Variants in SVOPL observed in about 807,000 individuals in gnomAD.
SVOPL encodes putative transporter SVOPL.
SVOPL carries 60 observed loss-of-function variants against 61.0 expected under a neutral mutation model. The ratio of observed to expected loss-of-function variants is 0.98; its 90% CI spans 0.80 to 1.22. The LOEUF (loss-of-function observed/expected upper bound fraction) is 1.22, where lower values mean the gene tolerates loss of function less well. SVOPL is among the 50% of genes most tolerant of loss of function. The pLI, the probability that SVOPL is intolerant of heterozygous loss-of-function variation, is 0.00. For synonymous variants in SVOPL, 279 were observed against 250.0 expected, an observed-to-expected ratio of 1.12 and a Z score of -1.09; for missense variants, 662 against 643.9, an observed-to-expected ratio of 1.03 and a Z score of -0.30.
At chr7:138,670,816 C>T (rs1226729786) in intron 4 of SVOPL, among the ~76,000 whole-genome samples, 2 of 152,108 alleles carry the variant, frequency 1.3e-5, no homozygotes, top group African/African-American at 2.4e-5. Context: ...TACCCTGCAG[C>T]CTTATCTCCT....
rs796840157 is a variant in SVOPL, at chr7:138,622,118, C to G, written c.1264-983G>C. Among the ~76,000 whole-genome samples, 280 of 80,034 alleles carry G rather than the reference C, an allele frequency of 3.5e-3. 9 individuals are homozygous for G. Among genetic ancestry groups the G allele is most frequent in the Middle Eastern group, 6.3e-3 (1 of 160 alleles). 52.5% of individuals were successfully genotyped at this position (80,034 alleles called of 152,430 possible). A position where few individuals can be genotyped will look rare whatever the true frequency, so the allele number is the denominator to read the frequency against. Reference sequence around the variant, plus strand: ...TCTATCTATCTATCTATCTATCTATCTATGTATCTATCTATCTATGTATCT... The same window carrying G: ...TCTATCTATCTATCTATCTATCTATGTATGTATCTATCTATCTATGTATCT... On this transcript the variant is annotated intron_variant, in intron 13 of 15. Transcript: ENST00000674285.
At chr7:138,658,427 T>C (rs1322545811) in intron 6 of SVOPL, among the ~76,000 whole-genome samples, 2 of 151,826 alleles carry the variant, frequency 1.3e-5, no homozygotes, top group Non-Finnish European at 2.9e-5. Context: ...ATGTTTGGAT[T>C]GACTTCAAAA....
At chr7:138,689,040 A>G (rs1235552317) in intron 1 of SVOPL, 141 of 710,558 alleles carry the variant, frequency 2.0e-4, no homozygotes, top group Non-Finnish European at 7.1e-5. Context: ...AAGACGTTCA[A>G]ATCTTTGTGT....
chr7:138,599,159 C>CAAAAAAAA (rs1336279820), intron 14 of SVOPL, among the ~76,000 whole-genome samples: 1 of 82,724 alleles, frequency 1.2e-5, no homozygotes, highest in African/African-American at 6.5e-5. Context: ...AAAAAAAAAC[C>CAAAAAAAA]AAAAAAAAAA....
chr7:138,665,955 C>G (rs774457241), intron 4 of SVOPL, among the ~76,000 whole-genome samples: 38 of 152,198 alleles, frequency 2.5e-4, no homozygotes, highest in African/African-American at 9.2e-4. Context: ...GACCACTGAT[C>G]GCTTGAGCCC....
chr7:138,600,043 T>C lies in SVOPL; in HGVS notation c.1354-3513A>G, dbSNP rs148108920. On this transcript the variant is annotated intron_variant, in intron 14 of 15. Transcript: ENST00000674285. ...AAACAAACACCTTAAGTGAAAATAA[T>C]TGGTAAACTGACTATATACAAATTT... Among the ~76,000 whole-genome samples, 231 of 152,284 alleles carry C rather than the reference T, an allele frequency of 1.5e-3. 2 individuals carry two copies. Among genetic ancestry groups the C allele is most frequent in the Admixed American group, 3.5e-3 (53 of 15,294 alleles).
At chr7:138,679,355 C>T (rs376919219) in intron 1 of SVOPL, among the ~76,000 whole-genome samples, 14 of 152,118 alleles carry the variant, frequency 9.2e-5, no homozygotes, top group Admixed American at 7.2e-4. Context: ...CTACAACCTC[C>T]GCCTTCTGAG....
At chr7:138,622,325 C>T (rs1799707355) in intron 13 of SVOPL, among the ~76,000 whole-genome samples, 1 of 128,000 alleles carries the variant, frequency 7.8e-6, no homozygotes. Context: ...GACAGAGTCT[C>T]ACTCTTTCGC....
At chr7:138,605,640 C>CAAAAAAAAAAA (rs1159063438) in intron 14 of SVOPL, among the ~76,000 whole-genome samples, 2 of 84,288 alleles carry the variant, frequency 2.4e-5, no homozygotes, top group Non-Finnish European at 2.3e-5. Flanking sequence ...CTAACCTGGG[C>CAAAAAAAAAAA]AAAAAAAAAA....
chr7:138,677,687 T>A (rs1005162650), intron 3 of SVOPL, among the ~76,000 whole-genome samples: 1 of 152,070 alleles, frequency 6.6e-6, no homozygotes, highest in Admixed American at 6.6e-5. Context: ...ATTTGTCATC[T>A]ATTGTCTCTA....
chr7:138,641,570 C>A (rs1800783281), intron 9 of SVOPL, among the ~76,000 whole-genome samples: 1 of 149,242 alleles, frequency 6.7e-6, no homozygotes, highest in Non-Finnish European at 1.5e-5. Flanking sequence ...CCTCAGGAAG[C>A]TGAGACTGGA....
intron 4 of SVOPL, among the ~76,000 whole-genome samples, chr7:138,666,578 A>G (rs982973404): frequency 7.2e-5 from 11 of 152,216 alleles, no homozygotes; most frequent in African/African-American, 2.4e-4. Flanking sequence ...TTTACAACCC[A>G]GACCACTACA....
At chr7:138,679,955 C>T (rs1435671547) in intron 1 of SVOPL, among the ~76,000 whole-genome samples, 2 of 152,094 alleles carry the variant, frequency 1.3e-5, no homozygotes, top group African/African-American at 4.8e-5. Flanking sequence ...ATTAGATAAT[C>T]GAGCTAAATT....
intron 8 of SVOPL, among the ~76,000 whole-genome samples, chr7:138,645,142 A>C (rs758323940): frequency 6.6e-6 from 1 of 152,002 alleles, no homozygotes; most frequent in Non-Finnish European, 1.5e-5. Flanking sequence ...TTCAATTGTT[A>C]AATAGCCACT....
At chr7:138,611,924 G>C (rs1446648474) in intron 14 of SVOPL, among the ~76,000 whole-genome samples, 4 of 19,172 alleles carry the variant, frequency 2.1e-4, no homozygotes, top group African/African-American at 4.9e-4. Flanking sequence ...AACGGGCCAG[G>C]ATGACAATGG....
At position 138,594,626 on chromosome 7, in the gene SVOPL, A is replaced by G; in HGVS notation, c.1468-5T>C. 6.3e-7 allele frequency: 1 copy of G among 1,594,534 alleles called. No individual in the cohort carries two copies. Among genetic ancestry groups the G allele is most frequent in the Non-Finnish European group, 8.5e-7 (1 of 1,170,170 alleles). The stretch of plus-strand genomic sequence containing the variant: ...TGCAGGTCTTCATTTAATTTGCTGG[A>G]AGAAAGTTATTTAATAGATCAGTAA... On this transcript the variant is annotated splice_polypyrimidine_tract_variant and splice_region_variant and intron_variant, in intron 15 of 15. Coordinates refer to ENST00000674285, the MANE Select transcript of SVOPL (RefSeq NM_001139456.2).
intron 9 of SVOPL, among the ~76,000 whole-genome samples, chr7:138,643,515 A>C (rs1800940925): frequency 6.6e-6 from 1 of 152,146 alleles, no homozygotes; most frequent in Non-Finnish European, 1.5e-5. Context: ...GAACAGTAGA[A>C]GTGTTCATCA....
intron 1 of SVOPL, among the ~76,000 whole-genome samples, chr7:138,700,153 A>C (rs909235120): frequency 1.3e-5 from 2 of 152,102 alleles, no homozygotes; most frequent in African/African-American, 4.8e-5. Flanking sequence ...CATATATATG[A>C]AATGTATTTT....
intron 8 of SVOPL, among the ~76,000 whole-genome samples, chr7:138,647,703 T>C (rs564436489): frequency 1.1e-4 from 16 of 151,570 alleles, no homozygotes; most frequent in African/African-American, 3.4e-4. Flanking sequence ...CAAAAATTAG[T>C]CGGGCGTGGT....
Sources: gnomAD v4.1 joint callset for allele counts (sites outside exome capture counted in the v4.1 genomes callset) on GRCh38, gnomAD v4.1.1 for gene constraint, MANE v1.5 for transcripts, NCBI Gene and HGNC (gene_info 2026-07-23, HGNC 2026-07-21) for gene names.